The following RANBP2 variants were observed in gnomAD, a reference collection of about 807,000 sequenced individuals.
The protein encoded by RANBP2 is RAN binding protein 2, also known as E3 SUMO-protein ligase RanBP2.
RANBP2 carries 57 observed loss-of-function variants against 303.6 expected under a neutral mutation model. The observed-to-expected ratio is 0.19, with a 90% confidence interval of 0.15 to 0.23. The LOEUF is 0.23. Among genes scored for constraint, RANBP2 ranks in the 10% least tolerant of loss-of-function variants. The pLI is 1.00. For synonymous variants in RANBP2, 1,167 were observed against 1,301.5 expected (o/e 0.90, Z 2.23); for missense variants, 3,138 against 3,780.8 (o/e 0.83, Z 4.46).
chr2:109,253,021 T>G, the RANBP2 span, among the ~76,000 whole-genome samples: 161 of 151,634 alleles, frequency 1.1e-3, 1 homozygote, highest in African/African-American at 3.7e-3. Flanking sequence ...TAGCCTTTAC[T>G]TTTTTTTTCT....
At chr2:108,925,906 G>T in the RANBP2 span, among the ~76,000 whole-genome samples, 1 of 152,146 alleles carries the variant, frequency 6.6e-6, no homozygotes, top group African/African-American at 2.4e-5. Flanking sequence ...GTGAACCACC[G>T]AGCCTGACCG....
At chr2:109,580,036 G>C in the RANBP2 span, among the ~76,000 whole-genome samples, 2 of 151,900 alleles carry the variant, frequency 1.3e-5, no homozygotes, top group East Asian at 3.9e-4. Flanking sequence ...CAGGAGAATC[G>C]TCTGAACCTG....
chr2:109,117,827 G>C, the RANBP2 span, among the ~76,000 whole-genome samples: 1 of 152,176 alleles, frequency 6.6e-6, no homozygotes, highest in Non-Finnish European at 1.5e-5. Context: ...TAATATTTTC[G>C]ATCCTGTGTA....
At chr2:109,294,723 C>A in the RANBP2 span, among the ~76,000 whole-genome samples, 74 of 152,160 alleles carry the variant, frequency 4.9e-4, no homozygotes, top group African/African-American at 1.4e-3. Context: ...CACAGCCCTA[C>A]AGGGGAAGCT....
the RANBP2 span, among the ~76,000 whole-genome samples, chr2:109,056,158 A>C: frequency 6.6e-6 from 1 of 151,604 alleles, no homozygotes; most frequent in South Asian, 2.1e-4. Flanking sequence ...TTCTGTTTTT[A>C]GGGGGTGGGG....
At chr2:108,897,824 C>T in the RANBP2 span, among the ~76,000 whole-genome samples, 1 of 152,118 alleles carries the variant, frequency 6.6e-6, no homozygotes, top group African/African-American at 2.4e-5. Flanking sequence ...CCTAATCCTC[C>T]CACTAAGTAC....
chr2:109,244,983 C>A, the RANBP2 span, among the ~76,000 whole-genome samples: 1 of 152,228 alleles, frequency 6.6e-6, no homozygotes, highest in Non-Finnish European at 1.5e-5. Context: ...CTATGGAGAA[C>A]TGTGAGTACA....
At chr2:108,779,456 C>A (rs1483620376) in intron 25 of RANBP2, among the ~76,000 whole-genome samples, 1 of 152,232 alleles carries the variant, frequency 6.6e-6, no homozygotes, top group African/African-American at 2.4e-5. Context: ...TGAGCCACCA[C>A]ACCCGGCCCT....
the RANBP2 span, among the ~76,000 whole-genome samples, chr2:108,825,153 G>A: frequency 1.3e-5 from 2 of 152,114 alleles, no homozygotes; most frequent in Non-Finnish European, 2.9e-5. Context: ...AGTTAATAGC[G>A]TAAATAATAG....
the RANBP2 span, among the ~76,000 whole-genome samples, chr2:109,714,169 C>T: frequency 1.3e-5 from 2 of 152,150 alleles, no homozygotes; most frequent in African/African-American, 4.8e-5. Context: ...CAACCTCTAC[C>T]TCTGGGGCTC....
the RANBP2 span, among the ~76,000 whole-genome samples, chr2:108,870,264 G>T: frequency 6.6e-6 from 1 of 152,104 alleles, no homozygotes; most frequent in Non-Finnish European, 1.5e-5. Context: ...ACAGGCAAAA[G>T]AAAGAATCAG....
At chr2:109,036,546 G>A in the RANBP2 span, among the ~76,000 whole-genome samples, 1 of 152,084 alleles carries the variant, frequency 6.6e-6, no homozygotes, top group Non-Finnish European at 1.5e-5. Context: ...TCCAGAATCA[G>A]TCAATGTAAT....
chr2:108,975,217 G>C, the RANBP2 span, among the ~76,000 whole-genome samples: 2 of 152,234 alleles, frequency 1.3e-5, no homozygotes, highest in Non-Finnish European at 2.9e-5. Flanking sequence ...GCAAAGGAGA[G>C]AGAGGATCTG....
the RANBP2 span, among the ~76,000 whole-genome samples, chr2:108,867,018 A>G: frequency 6.6e-6 from 1 of 152,268 alleles, no homozygotes; most frequent in African/African-American, 2.4e-5. Flanking sequence ...GTTTATGGTT[A>G]TTTTTAGGTT....
chr2:108,873,499 G>A, the RANBP2 span: 17 of 1,604,252 alleles, frequency 1.1e-5, no homozygotes, highest in South Asian at 7.9e-5. Flanking sequence ...TTATTTTTTC[G>A]TACTTGCTCT....
At chr2:109,154,715 A>G in the RANBP2 span, among the ~76,000 whole-genome samples, 1 of 152,180 alleles carries the variant, frequency 6.6e-6, no homozygotes, top group South Asian at 2.1e-4. Flanking sequence ...GGTTTGGACA[A>G]GGTCTGTGGG....
chr2:109,600,241 C>T, the RANBP2 span, among the ~76,000 whole-genome samples: 19 of 152,058 alleles, frequency 1.2e-4, no homozygotes, highest in Non-Finnish European at 2.8e-4. Flanking sequence ...TGGATCAGGG[C>T]CTGAAGGCTT....
chr2:109,426,430 A>G, the RANBP2 span, among the ~76,000 whole-genome samples: 1 of 152,256 alleles, frequency 6.6e-6, no homozygotes, highest in East Asian at 1.9e-4. Flanking sequence ...TCAAGACTTC[A>G]GTGTAGGAAG....
chr2:109,608,989 C>T, the RANBP2 span, among the ~76,000 whole-genome samples: 2 of 152,150 alleles, frequency 1.3e-5, no homozygotes, highest in Non-Finnish European at 2.9e-5. Flanking sequence ...CTCTATCCTG[C>T]AGTAGATTAT....
Sources: gnomAD v4.1 joint callset for allele counts (sites outside exome capture counted in the v4.1 genomes callset) on GRCh38, gnomAD v4.1.1 for gene constraint, MANE v1.5 for transcripts, NCBI Gene and HGNC (gene_info 2026-07-23, HGNC 2026-07-21) for gene names.